The following TBC1D22A variants were observed in gnomAD, a reference collection of about 807,000 sequenced individuals.
The protein encoded by TBC1D22A is TBC1 domain family member 22A, also known as putative GTPase activator.
Under a neutral mutation model 60.2 loss-of-function variants are expected in TBC1D22A, and 38 were observed. The observed-to-expected ratio is 0.63, with a 90% CI of 0.49 to 0.83. TBC1D22A has a LOEUF of 0.83. Ranked by LOEUF, TBC1D22A falls within the 40% of genes least tolerant of loss-of-function variation. The probability of loss-of-function intolerance (pLI) is 0.00; values close to 1 mark genes in which losing one functional copy is unlikely to be tolerated. For synonymous variants in TBC1D22A, 302 were observed against 281.7 expected (o/e 1.07, Z -0.72); for missense variants, 628 against 701.0 (o/e 0.90, Z 1.18).
chr22:46,891,152 G>T, intron 5 of TBC1D22A, 114 bp from the exon 6 acceptor site: 1 of 1,224,862 alleles, frequency 8.2e-7, no homozygotes, highest in Non-Finnish European at 1.1e-6. Flanking sequence ...CTCTGTGTCA[G>T]ATTTCAGAAT....
At chr22:47,122,649 A>G (rs367927937) in intron 12 of TBC1D22A, among the ~76,000 whole-genome samples, 13 of 152,232 alleles carry the variant, frequency 8.5e-5, no homozygotes, top group East Asian at 5.8e-4. Context: ...GAGATAAGCA[A>G]TAAAGACATC....
chr22:47,108,594 C>T lies in TBC1D22A; in HGVS notation c.1330-2914C>T, dbSNP rs1228065385. Among the ~76,000 whole-genome samples, 9 of 152,230 alleles carry T rather than the reference C, an allele frequency of 5.9e-5. No individual in the cohort carries two copies. The East Asian group carries it at 1.7e-3, about 29-fold the overall frequency. On this transcript the variant is annotated intron_variant, in intron 11 of 12. Coordinates refer to ENST00000337137, the MANE Select transcript of TBC1D22A (RefSeq NM_014346.5). ...ATGGGCACAAAGAAACCTTTGGAGC[C>T]ATAGATATGTCCACTACCTCGGTTG...
chr22:46,862,332 A>G (rs556633182), intron 4 of TBC1D22A, among the ~76,000 whole-genome samples: 1 of 152,262 alleles, frequency 6.6e-6, no homozygotes, highest in Admixed American at 6.5e-5. Flanking sequence ...ACAGTGGCCC[A>G]AGGAGGCTGT....
At chr22:46,903,566 G>C (rs1184668657) in intron 7 of TBC1D22A, among the ~76,000 whole-genome samples, 1 of 152,224 alleles carries the variant, frequency 6.6e-6, no homozygotes, top group East Asian at 1.9e-4. Flanking sequence ...GACCAGCAAG[G>C]TCCTGAGGGA....
chr22:46,863,262 G>A (rs1385500235), intron 4 of TBC1D22A, among the ~76,000 whole-genome samples: 2 of 152,234 alleles, frequency 1.3e-5, no homozygotes. Context: ...GAGAGGAGGA[G>A]CTGGAGGCTT....
chr22:46,802,678 A>G (rs146032489), intron 4 of TBC1D22A, among the ~76,000 whole-genome samples: 337 of 152,326 alleles, frequency 2.2e-3, no homozygotes, highest in Non-Finnish European at 3.3e-3. Flanking sequence ...GCAGAGCATC[A>G]GAAAGCGGTT....
At chr22:46,840,546 A>G (rs1440480816) in intron 4 of TBC1D22A, among the ~76,000 whole-genome samples, 1 of 152,154 alleles carries the variant, frequency 6.6e-6, no homozygotes, top group Non-Finnish European at 1.5e-5. Context: ...CAGCCTGGCC[A>G]ACATAGTGAA....
intron 7 of TBC1D22A, among the ~76,000 whole-genome samples, chr22:46,898,072 ACCT>A (rs1348688813): frequency 2.0e-5 from 3 of 151,764 alleles, no homozygotes; most frequent in Non-Finnish European, 4.4e-5. Flanking sequence ...ATTTGTTATA[ACCT>A]CCTTTTTACT....
At chr22:46,970,872 T>G (rs2074020390) in intron 8 of TBC1D22A, among the ~76,000 whole-genome samples, 1 of 152,158 alleles carries the variant, frequency 6.6e-6, no homozygotes, top group Non-Finnish European at 1.5e-5. Context: ...CTGGGTGGCC[T>G]TGGACCTTCC....
intron 8 of TBC1D22A, among the ~76,000 whole-genome samples, chr22:46,945,710 T>C (rs2072494391): frequency 6.6e-6 from 1 of 152,206 alleles, no homozygotes; most frequent in Non-Finnish European, 1.5e-5. Flanking sequence ...GGTTCCCCCC[T>C]GGTTACCCTC....
intron 5 of TBC1D22A, among the ~76,000 whole-genome samples, chr22:46,888,350 T>G (rs2068225041): frequency 6.6e-6 from 1 of 152,114 alleles, no homozygotes; most frequent in South Asian, 2.1e-4. Context: ...CAAGGATGAG[T>G]AGATGTTTGG....
At chr22:46,904,137 AT>A (rs1569199613) in intron 7 of TBC1D22A, among the ~76,000 whole-genome samples, 54 of 95,424 alleles carry the variant, frequency 5.7e-4, no homozygotes, top group Non-Finnish European at 1.1e-3. Flanking sequence ...CTATCTATCT[AT>A]CTATCTACCT....
chr22:46,862,806 CT>C (rs1203060011), intron 4 of TBC1D22A, among the ~76,000 whole-genome samples: 1 of 152,012 alleles, frequency 6.6e-6, no homozygotes, highest in Non-Finnish European at 1.5e-5. Flanking sequence ...GATGCTGGGG[CT>C]TTTTGGAATG....
intron 4 of TBC1D22A, among the ~76,000 whole-genome samples, chr22:46,839,342 CTG>C (rs1236267393): frequency 1.3e-5 from 2 of 149,850 alleles, no homozygotes; most frequent in East Asian, 3.9e-4. Flanking sequence ...GAGTCTCGCT[CTG>C]TCACCCAGGC....
At chr22:46,807,595 G>C (rs150098355) in intron 4 of TBC1D22A, among the ~76,000 whole-genome samples, 1 of 152,312 alleles carries the variant, frequency 6.6e-6, no homozygotes, top group South Asian at 2.1e-4. Context: ...CCACAGGCTA[G>C]CTCATTTGTT....
At chr22:46,916,455 G>C (rs1453718241) in intron 8 of TBC1D22A, among the ~76,000 whole-genome samples, 2 of 152,248 alleles carry the variant, frequency 1.3e-5, no homozygotes, top group Admixed American at 6.5e-5. Flanking sequence ...AGGGCAGTTT[G>C]GTCCTGCTGT....
intron 4 of TBC1D22A, among the ~76,000 whole-genome samples, chr22:46,827,248 C>T (rs557543189): frequency 2.0e-5 from 3 of 152,316 alleles, no homozygotes; most frequent in East Asian, 1.9e-4. Context: ...CTCTGCCCGC[C>T]GTCACCACGC....
At chr22:47,048,122 C>T (rs1039575970) in intron 11 of TBC1D22A, among the ~76,000 whole-genome samples, 1 of 152,192 alleles carries the variant, frequency 6.6e-6, no homozygotes, top group Admixed American at 6.5e-5. Context: ...GCTGCATTTG[C>T]GGTTCCTGGG....
At chr22:47,051,790 C>T (rs927953818) in intron 11 of TBC1D22A, among the ~76,000 whole-genome samples, 6 of 152,222 alleles carry the variant, frequency 3.9e-5, no homozygotes, top group Non-Finnish European at 7.3e-5. Context: ...CCTCTGCTCC[C>T]GCTGTGTTCT....
Sources: allele counts gnomAD v4.1 joint callset (sites outside exome capture counted in the v4.1 genomes callset), GRCh38; gene constraint gnomAD v4.1.1; transcripts MANE v1.5; gene names NCBI Gene and HGNC (gene_info 2026-07-23, HGNC 2026-07-21).